Variants in AMOTL2 observed in about 807,000 individuals in gnomAD.
AMOTL2 encodes angiomotin-like protein 2.
In AMOTL2, 33 loss-of-function variants were observed where a neutral mutation model predicts 78.4. That is an observed-to-expected ratio of 0.42 (90% confidence interval 0.32 to 0.56). The LOEUF (loss-of-function observed/expected upper bound fraction) is 0.56. AMOTL2 is among the 20% of genes least tolerant of loss of function. The probability of loss-of-function intolerance (pLI) is 0.12; values close to 1 mark genes in which losing one functional copy is unlikely to be tolerated. For synonymous variants in AMOTL2, 422 were observed against 428.8 expected, an observed-to-expected ratio of 0.98 and a Z score of 0.20; for missense variants, 983 against 1,030.1, an observed-to-expected ratio of 0.95 and a Z score of 0.63.
Position 134,358,508 on chromosome 3 carries a change from C to T in AMOTL2, c.2284+32G>A, listed in dbSNP as rs1357998655. ...ACACCCCAGTGCCCCCTCGGCCCTACCTAGCACAGAAGTGGGGTCAGGAGG... is the reference window on the plus strand; with the variant it reads ...ACACCCCAGTGCCCCCTCGGCCCTATCTAGCACAGAAGTGGGGTCAGGAGG... On this transcript the variant is annotated intron_variant, in intron 9 of 9. Transcript: ENST00000249883. The T allele has an allele frequency of 5.6e-6, 9 of 1,601,330 alleles. No individual in the cohort carries two copies. In the African/African-American group the frequency reaches 6.7e-5, roughly 12 times the overall value.
At position 134,370,998 on chromosome 3, in the gene AMOTL2, C is replaced by A. The variant is rs2107748380; in HGVS notation, c.436G>T (p.Ala146Ser). ...APGGSRRQDE[A>S]LRELRHGHVR... ...TGCCCATGCCTCAGCTCCCGCAGGG[C>A]CTCGTCCTGCCTCCGACTGCCTCCC... The change falls in exon 2 of 10, where the codon GCC becomes TCC. Residue 146 changes from alanine (A) to serine (S), a missense_variant. Transcript: ENST00000249883. 6.2e-7 allele frequency: 1 copy of A among 1,602,336 alleles called. No homozygotes were observed. Among genetic ancestry groups the A allele is most frequent in the Non-Finnish European group, 8.5e-7 (1 of 1,174,472 alleles).
intron 7 of AMOTL2, 29 bp downstream of exon 7, chr3:134,360,077 C>T (rs1349452967): frequency 6.3e-7 from 1 of 1,588,286 alleles, no homozygotes; most frequent in Non-Finnish European, 8.6e-7. Context: ...ACCCCCCCAA[C>T]CTCAGGTGCC....
Position 134,359,383 on chromosome 3 carries a change from C to T in AMOTL2, c.2004G>A (p.Val668=), listed in dbSNP as rs189825181. 3.1e-6 allele frequency: 5 copies of T among 1,614,228 alleles called. No individual in the cohort carries two copies. The African/African-American group carries it at 5.3e-5, about 17-fold the overall frequency. ...IQGSLRPAKS[V]PSVFAAAAAG... ...CTGCCGCAGCCGCGAAAACAGATGGCACCGACTTGGCAGGCCGCAGGGAGC... is the reference window on the plus strand; with the variant it reads ...CTGCCGCAGCCGCGAAAACAGATGGTACCGACTTGGCAGGCCGCAGGGAGC... The change falls in exon 8 of 10, where the codon GTG becomes GTA. Residue 668 remains valine, a synonymous_variant. Transcript: ENST00000249883.
chr3:134,360,259 C>T lies in AMOTL2; in HGVS notation c.1730G>A (p.Arg577His), dbSNP rs762140866. The T allele has an allele frequency of 2.5e-5, 40 of 1,614,100 alleles. No homozygotes were observed. The highest frequency in any genetic ancestry group is 1.6e-4 in the Middle Eastern group (1 of 6,082). The change falls in exon 7 of 10, where the codon CGT becomes CAT. Residue 577 changes from arginine to histidine, a missense_variant. By Grantham distance (29) the Arg-to-His change is conservative. Coordinates refer to ENST00000249883, the MANE Select transcript of AMOTL2 (RefSeq NM_016201.4). ...ATCCATGGCAAACTGCCTCATGGCA[C>T]GTTCCTCCAAATACTTCTGCTCCCA... ...TKWEQKYLEERAMRQFAMDAA... is the reference protein window; with the variant it reads ...TKWEQKYLEEHAMRQFAMDAA...
intron 1 of AMOTL2, chr3:134,373,931 G>A (rs1052109797): frequency 6.7e-6 from 5 of 749,428 alleles, no homozygotes; most frequent in Admixed American, 6.3e-5. Flanking sequence ...ACTAGTTGGG[G>A]GCAAAGGCAC....
At chr3:134,375,378 A>T, upstream of AMOTL2, 1 of 822,304 alleles carries the variant, frequency 1.2e-6, no homozygotes, top group Non-Finnish European at 2.0e-6. Context: ...ACCAGGGCTC[A>T]GAGAGCTTAA....
Position 134,367,711 on chromosome 3 carries a change from T to C in AMOTL2, c.827A>G (p.His276Arg), listed in dbSNP as rs745788763. Residue 276 changes from histidine (H) to arginine (R), a missense_variant, in exon 3 of 10, where the codon CAT becomes CGT. Physicochemically the swap from His to Arg is conservative, Grantham distance 29. Transcript: ENST00000249883. ...GGGGCCATGGCCGAGAGCAGCTGGA[T>C]GTGGGGGAGGGGGGTGCTCCTGAGA... is the stretch of plus-strand genomic sequence containing the variant. ...QQSQEHPPPP[H>R]PAALGHGPLS... is the part of the protein sequence containing the mutation. 2.1e-5 allele frequency: 34 copies of C among 1,613,456 alleles called. No individual in the cohort carries two copies. Among genetic ancestry groups the C allele is most frequent in the Admixed American group, 5.0e-5 (3 of 59,966 alleles).
At chr3:134,357,914 T>C in intron 9 of AMOTL2, 151 bp from the exon 10 acceptor site, 2 of 756,326 alleles carry the variant, frequency 2.6e-6, no homozygotes, top group Admixed American at 4.0e-5. Context: ...CCAAGCACAA[T>C]GCTCTGCCCC....
At chr3:134,362,904 C>T (rs944143218) in intron 5 of AMOTL2, among the ~76,000 whole-genome samples, 6 of 152,176 alleles carry the variant, frequency 3.9e-5, no homozygotes, top group Non-Finnish European at 5.9e-5. Flanking sequence ...AACCTAAAGG[C>T]ACTGTCTCTA....
intron 3 of AMOTL2, 101 bp from the exon 4 acceptor site, chr3:134,366,528 G>C: frequency 7.6e-7 from 1 of 1,323,082 alleles, no homozygotes; most frequent in Non-Finnish European, 1.0e-6. Context: ...ACAGATGAGA[G>C]GCCACCAAAC....
At chr3:134,358,432 G>T in intron 9 of AMOTL2, 108 bp downstream of exon 9, 1 of 1,334,494 alleles carries the variant, frequency 7.5e-7, no homozygotes, top group South Asian at 1.5e-5. Context: ...CATGGAGTGC[G>T]GGCAATGACC....
At chr3:134,371,527 G>C (rs1360289371) in intron 1 of AMOTL2, 33 bp from the exon 2 acceptor site, 2 of 1,566,558 alleles carry the variant, frequency 1.3e-6, no homozygotes, top group East Asian at 4.5e-5. Flanking sequence ...AGAGAGAAAA[G>C]CAATCAGTGG....
Position 134,361,520 on chromosome 3 carries a change from C to T in AMOTL2, c.1567G>A (p.Ala523Thr). Residue 523 changes from alanine to threonine, a missense_variant, in exon 6 of 10, where the codon GCA becomes ACA. Coordinates refer to ENST00000249883, the MANE Select transcript of AMOTL2 (RefSeq NM_016201.4). Reference sequence around the variant, plus strand: ...AGACTTTCTCAGCTCACCTGCTGTGCACGCAGGGCCTTGAGTTCCTGCTCC... The same window carrying T: ...AGACTTTCTCAGCTCACCTGCTGTGTACGCAGGGCCTTGAGTTCCTGCTCC... ...RLEQELKALR[A>T]QQRQAGAPGG... The T allele has an allele frequency of 6.2e-7, 1 of 1,608,696 alleles. No homozygotes were observed.
In AMOTL2 at chr3:134,366,336, T is replaced by G. The variant is rs777155262; in HGVS notation, c.1133A>C (p.Asn378Thr). The change falls in exon 4 of 10, where the codon AAC (asparagine) becomes ACC (threonine). Residue 378 changes from asparagine to threonine, a missense_variant. By Grantham distance (65) the Asn-to-Thr change is moderately conservative (BLOSUM62 0). Coordinates refer to ENST00000249883, the MANE Select transcript of AMOTL2 (RefSeq NM_016201.4). Reference sequence around the variant, plus strand: ...CCTCCTCATTTCACTGTCCATCTTGTTCCGCATGGTCTTCTCCAGGGCCTC... The same window carrying G: ...CCTCCTCATTTCACTGTCCATCTTGGTCCGCATGGTCTTCTCCAGGGCCTC... ...KREALEKTMR[N>T]KMDSEMRRLQ... The G allele has an allele frequency of 6.2e-7, 1 of 1,614,214 alleles. No homozygotes were observed. The highest frequency in any genetic ancestry group is 8.5e-7 in the Non-Finnish European group (1 of 1,180,026).
upstream of AMOTL2, chr3:134,375,259 C>G (rs1171665632): frequency 6.5e-7 from 1 of 1,535,442 alleles, no homozygotes; most frequent in Admixed American, 2.0e-5. Flanking sequence ...CCCCTTTACG[C>G]AGAGTGCAAG....
chr3:134,370,558 G>T, intron 2 of AMOTL2, 142 bp downstream of exon 2: 1 of 1,115,266 alleles, frequency 9.0e-7, no homozygotes, highest in Non-Finnish European at 1.2e-6. Flanking sequence ...TCTCTGCCAG[G>T]CATTAGCTCT....
chr3:134,367,452 G>C, intron 3 of AMOTL2, 45 bp downstream of exon 3: 1 of 1,594,760 alleles, frequency 6.3e-7, no homozygotes, highest in East Asian at 2.2e-5. Context: ...TAGCCCCTCG[G>C]GGTCTCTTTC....
At chr3:134,365,719 C>A in intron 5 of AMOTL2, 98 bp downstream of exon 5, 1 of 1,141,344 alleles carries the variant, frequency 8.8e-7, no homozygotes, top group African/African-American at 1.5e-5. Flanking sequence ...CAAAGTACTA[C>A]TTTGCAAGGG....
chr3:134,373,562 G>A (rs1395739131), intron 1 of AMOTL2: 4 of 985,420 alleles, frequency 4.1e-6, no homozygotes, highest in Non-Finnish European at 4.8e-6. Context: ...GCCTTTCTAA[G>A]CCAGCGCGCG....
Sources: allele counts gnomAD v4.1 joint callset (sites outside exome capture counted in the v4.1 genomes callset), GRCh38; gene constraint gnomAD v4.1.1; transcripts MANE v1.5; gene names NCBI Gene and HGNC (gene_info 2026-07-23, HGNC 2026-07-21).